DNAH5: variants seen among roughly 807,000 people sequenced by gnomAD.
The protein encoded by DNAH5 is axonemal beta dynein heavy chain 5.
A neutral mutation model predicts 518.2 loss-of-function variants in DNAH5; 372 were observed. The ratio of observed to expected loss-of-function variants is 0.72; its 90% CI spans 0.66 to 0.78. The LOEUF (loss-of-function observed/expected upper bound fraction) is 0.78, where lower values mean the gene tolerates loss of function less well. DNAH5 is among the 30% of genes least tolerant of loss of function. The pLI is 0.00. For synonymous variants in DNAH5, 2,039 were observed against 2,025.9 expected (o/e 1.01, Z -0.17); for missense variants, 5,523 against 5,687.0 (o/e 0.97, Z 0.93).
chr5:13,814,224 T>G (rs1761108580), intron 43 of DNAH5, among the ~76,000 whole-genome samples: 1 of 152,210 alleles, frequency 6.6e-6, no homozygotes, highest in Non-Finnish European at 1.5e-5. Flanking sequence ...TCCAAGTTAA[T>G]GTTCTAAGAT....
chr5:13,984,817 T>G (rs1282384682), intron 1 of DNAH5, among the ~76,000 whole-genome samples: 1 of 152,246 alleles, frequency 6.6e-6, no homozygotes, highest in Non-Finnish European at 1.5e-5. Context: ...TTCTGTATTT[T>G]ACACTGTTGG....
intron 47 of DNAH5, among the ~76,000 whole-genome samples, chr5:13,796,560 A>G (rs1757855410): frequency 1.3e-5 from 2 of 152,278 alleles, no homozygotes; most frequent in South Asian, 4.1e-4. Flanking sequence ...AGGACACGAA[A>G]AAATGGAAGA....
Position 13,845,076 on chromosome 5 carries a change from G to A in DNAH5, c.5115-83C>T, listed in dbSNP as rs1304765269. 3.7e-6 allele frequency: 5 copies of A among 1,338,724 alleles called. No individual in the cohort carries two copies. In the African/African-American group the frequency reaches 5.9e-5, roughly 16 times the overall value. 82.9% of individuals were successfully genotyped at this position (1,338,724 alleles called of 1,614,324 possible). On this transcript the variant is annotated intron_variant, in intron 31 of 78. Coordinates refer to ENST00000265104, the MANE Select transcript of DNAH5 (RefSeq NM_001369.3). ...AATAAATTAACCTGGATGGGAAAAG[G>A]GGAGAAGATTGTGTGACTTGTGACA...
intron 1 of DNAH5, among the ~76,000 whole-genome samples, chr5:13,981,777 G>A (rs114151801): frequency 0.043 from 6,610 of 152,148 alleles, 196 homozygotes; most frequent in Non-Finnish European, 0.067. Context: ...AATCCTTCTC[G>A]GTCAAGGAGG....
chr5:13,843,165 T>C (rs922171618), intron 32 of DNAH5, among the ~76,000 whole-genome samples: 5 of 152,234 alleles, frequency 3.3e-5, no homozygotes, highest in Non-Finnish European at 7.3e-5. Context: ...CCTTCCTCTC[T>C]GTCCCCTCTA....
At chr5:13,901,614 AAAAT>A (rs1359558977) in intron 13 of DNAH5, 41 bp from the exon 14 acceptor site, 3 of 1,217,766 alleles carry the variant, frequency 2.5e-6, no homozygotes, top group Non-Finnish European at 2.3e-6. Flanking sequence ...TTAATGGAAT[AAAAT>A]AAATAAAATA....
chr5:13,941,584 C>T (rs1779462291), intron 1 of DNAH5, among the ~76,000 whole-genome samples: 1 of 152,186 alleles, frequency 6.6e-6, no homozygotes, highest in Non-Finnish European at 1.5e-5. Flanking sequence ...AAAAGATAAT[C>T]TGAGAGCAAA....
intron 65 of DNAH5, among the ~76,000 whole-genome samples, chr5:13,747,012 A>G (rs188858989): frequency 9.2e-5 from 14 of 152,118 alleles, no homozygotes; most frequent in African/African-American, 2.9e-4. Context: ...TACATTAGCT[A>G]TATCTCCTAA....
intron 47 of DNAH5, among the ~76,000 whole-genome samples, chr5:13,795,935 CCAA>C (rs1451121763): frequency 2.6e-5 from 4 of 152,136 alleles, no homozygotes; most frequent in Non-Finnish European, 5.9e-5. Context: ...ATAAACAGAA[CCAA>C]CAACAAAAAC....
At chr5:13,933,452 C>G (rs1250651115) in intron 1 of DNAH5, among the ~76,000 whole-genome samples, 1 of 152,090 alleles carries the variant, frequency 6.6e-6, no homozygotes, top group South Asian at 2.1e-4. Flanking sequence ...AATTGGGGAC[C>G]ACCAGTATCC....
upstream of DNAH5, among the ~76,000 whole-genome samples, chr5:13,949,282 T>A (rs1319138936): frequency 2.0e-5 from 3 of 152,184 alleles, no homozygotes; most frequent in Non-Finnish European, 4.4e-5. Context: ...TGCAAGACAA[T>A]AAACATCCAG....
intron 78 of DNAH5, among the ~76,000 whole-genome samples, chr5:13,698,738 C>G (rs375733841): frequency 6.6e-6 from 1 of 152,158 alleles, no homozygotes; most frequent in Non-Finnish European, 1.5e-5. Flanking sequence ...ACTAAAGAGA[C>G]AACAAACAGG....
intron 71 of DNAH5, among the ~76,000 whole-genome samples, chr5:13,720,163 G>A (rs1202657215): frequency 1.3e-5 from 2 of 148,856 alleles, no homozygotes; most frequent in Non-Finnish European, 3.0e-5. Context: ...AGAGTTACAC[G>A]TAAAACTGAT....
At chr5:13,783,753 G>A (rs1260243733) in intron 52 of DNAH5, among the ~76,000 whole-genome samples, 3 of 152,166 alleles carry the variant, frequency 2.0e-5, no homozygotes, top group African/African-American at 7.2e-5. Flanking sequence ...ATCCTGTTTT[G>A]CTGCAGTTTT....
rs1579763790 is a variant in DNAH5, at chr5:13,691,875, T to C, written c.*109A>G. 1 of 1,367,542 alleles carries C rather than the reference T, an allele frequency of 7.3e-7. No homozygotes were observed. The highest frequency in any genetic ancestry group is 1.0e-6 in the Non-Finnish European group (1 of 968,904). 84.7% of individuals were successfully genotyped at this position (1,367,542 alleles called of 1,614,324 possible). A position where few individuals can be genotyped will look rare whatever the true frequency, so the allele number is the denominator to read the frequency against. On this transcript the variant is annotated 3_prime_UTR_variant, in exon 79 of 79. Transcript: ENST00000265104. Reference sequence around the variant, plus strand: ...GGGGAAAACCTATGCAGCTCATTAATTGCATAAACGACCTAACATACACTG... The same window carrying C: ...GGGGAAAACCTATGCAGCTCATTAACTGCATAAACGACCTAACATACACTG...
At position 13,793,428 on chromosome 5, in the gene DNAH5, G is replaced by A. The variant is rs549581554; in HGVS notation, c.8224+87C>T. The A allele has an allele frequency of 1.2e-5, 13 of 1,127,448 alleles. No homozygotes were observed. In the East Asian group the frequency reaches 3.0e-4, roughly 26 times the overall value. The allele number at this position is 1,127,448 out of a possible 1,614,324, so 69.8% of individuals were successfully genotyped here. A position where few individuals can be genotyped will look rare whatever the true frequency, so the allele number is the denominator to read the frequency against. Reference sequence around the variant, plus strand: ...CAAGGAGCCACCCAGTGCTCTTTCTGTGTGGGTCTTGGGTGAAGATTTTCA... The same window carrying A: ...CAAGGAGCCACCCAGTGCTCTTTCTATGTGGGTCTTGGGTGAAGATTTTCA... On this transcript the variant is annotated intron_variant, in intron 49 of 78. Coordinates refer to ENST00000265104, the MANE Select transcript of DNAH5 (RefSeq NM_001369.3).
intron 78 of DNAH5, among the ~76,000 whole-genome samples, chr5:13,695,286 C>A (rs1163843064): frequency 6.6e-6 from 1 of 152,090 alleles, no homozygotes; most frequent in Non-Finnish European, 1.5e-5. Flanking sequence ...AACAGGGGCA[C>A]GAGCACTTTT....
At chr5:13,968,898 C>T (rs1237089656) in intron 1 of DNAH5, among the ~76,000 whole-genome samples, 3 of 152,138 alleles carry the variant, frequency 2.0e-5, no homozygotes, top group Non-Finnish European at 2.9e-5. Context: ...GATATCAATT[C>T]TTCTTTGAAT....
intron 52 of DNAH5, among the ~76,000 whole-genome samples, chr5:13,785,017 C>T (rs1024054681): frequency 4.0e-5 from 6 of 151,894 alleles, no homozygotes; most frequent in African/African-American, 9.7e-5. Context: ...ATGATTCAAG[C>T]GCATTACATT....
Sources: gnomAD v4.1 joint callset for allele counts (sites outside exome capture counted in the v4.1 genomes callset) on GRCh38, gnomAD v4.1.1 for gene constraint, MANE v1.5 for transcripts, NCBI Gene and HGNC (gene_info 2026-07-23, HGNC 2026-07-21) for gene names.